IGF2BP3: variants seen among roughly 807,000 people sequenced by gnomAD.
IGF2BP3 encodes insulin-like growth factor 2 mRNA-binding protein 3.
Under a neutral mutation model 73.8 loss-of-function variants are expected in IGF2BP3, and 9 were observed. That is an observed-to-expected ratio of 0.12 (90% confidence interval 0.07 to 0.21). The LOEUF is 0.21. IGF2BP3 is among the 10% of genes least tolerant of loss of function. IGF2BP3 has a pLI of 1.00. For synonymous variants in IGF2BP3, 258 were observed against 256.7 expected (o/e 1.01, Z -0.05); for missense variants, 542 against 714.0 (o/e 0.76, Z 2.75).
chr7:23,452,597 T>G (rs575866069), intron 2 of IGF2BP3, among the ~76,000 whole-genome samples: 2 of 144,412 alleles, frequency 1.4e-5, no homozygotes, highest in East Asian at 4.2e-4. Flanking sequence ...AGGTCAGGAG[T>G]TCAAGACCAG....
intron 5 of IGF2BP3, among the ~76,000 whole-genome samples, chr7:23,359,449 AC>A (rs1369796746): frequency 2.0e-5 from 3 of 152,236 alleles, no homozygotes; most frequent in African/African-American, 7.2e-5. Flanking sequence ...TAAGGCCACA[AC>A]AACAGGTCTC....
chr7:23,329,465 G>A lies in IGF2BP3; in HGVS notation c.1204-10211C>T, dbSNP rs1038461907. Among the ~76,000 whole-genome samples the A allele has an allele frequency of 2.8e-4, 42 of 152,206 alleles. 1 individual carries two copies. The highest frequency in any genetic ancestry group is 6.7e-4 in the African/African-American group (28 of 41,534). ...TGTTTGAATACCTCTACTGCAACACGTTCTTAGAAGTAGAACTGCTGAGTC... is the reference window on the plus strand; with the variant it reads ...TGTTTGAATACCTCTACTGCAACACATTCTTAGAAGTAGAACTGCTGAGTC... On this transcript the variant is annotated intron_variant, in intron 10 of 14. Transcript: ENST00000258729.
chr7:23,439,549 C>T (rs573707520), intron 2 of IGF2BP3, among the ~76,000 whole-genome samples: 16 of 120,000 alleles, frequency 1.3e-4, no homozygotes, highest in East Asian at 1.1e-3. Flanking sequence ...AACGAGACTC[C>T]GTCTCAAAAA....
chr7:23,329,458 G>A (rs1256618798), intron 10 of IGF2BP3, among the ~76,000 whole-genome samples: 1 of 152,066 alleles, frequency 6.6e-6, no homozygotes, highest in East Asian at 1.9e-4. Flanking sequence ...TACCTCTACT[G>A]CAACACGTTC....
At chr7:23,419,745 C>G (rs1787291727) in intron 2 of IGF2BP3, among the ~76,000 whole-genome samples, 1 of 152,148 alleles carries the variant, frequency 6.6e-6, no homozygotes, top group Non-Finnish European at 1.5e-5. Context: ...CCCAGCTACT[C>G]CAGATGCTGA....
At chr7:23,384,154 C>T (rs1262255625) in intron 3 of IGF2BP3, among the ~76,000 whole-genome samples, 1 of 147,988 alleles carries the variant, frequency 6.8e-6, no homozygotes, top group African/African-American at 2.5e-5. Flanking sequence ...CATTGAAGAA[C>T]CTTGTAAACA....
intron 10 of IGF2BP3, among the ~76,000 whole-genome samples, chr7:23,335,156 GCA>G (rs976270721): frequency 4.0e-5 from 6 of 148,682 alleles, no homozygotes; most frequent in Admixed American, 2.7e-4. Context: ...TAATAAATGT[GCA>G]CAGTGAGTTA....
intron 2 of IGF2BP3, among the ~76,000 whole-genome samples, chr7:23,420,192 C>T (rs1030566393): frequency 6.6e-6 from 1 of 152,206 alleles, no homozygotes; most frequent in Non-Finnish European, 1.5e-5. Context: ...ACAATTAGAA[C>T]TATAGGACAG....
Position 23,469,353 on chromosome 7 carries a change from C to T in IGF2BP3, c.175+583G>A, listed in dbSNP as rs1168047985. ...CACCTGCCCCTATCGCTCGTCGGAC[C>T]AGGGGAGGTGGAACGGGGAAACCGG... On this transcript the variant is annotated intron_variant, in intron 1 of 14. Transcript: ENST00000258729. This position sits in a 1 kb window ranked among gnomAD's most constrained non-coding sequence, Gnocchi z 6.1. 6.6e-6 allele frequency: 1 copy of T among 152,172 alleles called. No individual in the cohort carries two copies. Among genetic ancestry groups the T allele is most frequent in the African/African-American group, 2.4e-5 (1 of 41,450 alleles). The allele number at this position is 152,172 out of a possible 1,614,324, so 9.4% of individuals were successfully genotyped here. A position where few individuals can be genotyped will look rare whatever the true frequency, so the allele number is the denominator to read the frequency against.
At chr7:23,355,751 G>C (rs1448740476) in intron 5 of IGF2BP3, among the ~76,000 whole-genome samples, 1 of 152,076 alleles carries the variant, frequency 6.6e-6, no homozygotes, top group Non-Finnish European at 1.5e-5. Flanking sequence ...TGGACAATAT[G>C]ACAAAACTCT....
At chr7:23,338,022 A>ATT (rs11436871) in intron 10 of IGF2BP3, among the ~76,000 whole-genome samples, 1 of 151,268 alleles carries the variant, frequency 6.6e-6, no homozygotes, top group African/African-American at 2.4e-5. Flanking sequence ...AATTTAAGCC[A>ATT]TTTTTTTTTC....
At chr7:23,466,813 G>A (rs1288788664) in intron 2 of IGF2BP3, among the ~76,000 whole-genome samples, 1 of 152,174 alleles carries the variant, frequency 6.6e-6, no homozygotes. Flanking sequence ...CATGTAGCTC[G>A]ATGAATTGTA....
chr7:23,396,508 T>G (rs1465716946), intron 3 of IGF2BP3: 1 of 171,594 alleles, frequency 5.8e-6, no homozygotes, highest in African/African-American at 2.4e-5. Flanking sequence ...TAAACCTAGT[T>G]TTCTGAAGAA....
intron 2 of IGF2BP3, among the ~76,000 whole-genome samples, chr7:23,431,662 C>T (rs1787681534): frequency 6.6e-6 from 1 of 152,054 alleles, no homozygotes; most frequent in African/African-American, 2.4e-5. Context: ...TTACAAGGTC[C>T]CCTACACCGT....
intron 3 of IGF2BP3, among the ~76,000 whole-genome samples, chr7:23,371,154 A>AACACACACAC (rs60859365): frequency 3.4e-5 from 5 of 148,744 alleles, no homozygotes; most frequent in Admixed American, 6.7e-5. Flanking sequence ...ACACCTTGCC[A>AACACACACAC]ACACACACAC....
At chr7:23,325,868 T>C (rs1219403423) in intron 10 of IGF2BP3, among the ~76,000 whole-genome samples, 1 of 152,204 alleles carries the variant, frequency 6.6e-6, no homozygotes, top group Non-Finnish European at 1.5e-5. Flanking sequence ...GAAAACTGGC[T>C]AGCCATATGT....
At chr7:23,383,994 G>A (rs930568633) in intron 3 of IGF2BP3, among the ~76,000 whole-genome samples, 3 of 151,236 alleles carry the variant, frequency 2.0e-5, no homozygotes, top group Non-Finnish European at 4.4e-5. Context: ...TACTCGGGAG[G>A]CTGAGGCAGG....
intron 3 of IGF2BP3, among the ~76,000 whole-genome samples, chr7:23,418,515 T>C (rs1480938009): frequency 6.6e-6 from 1 of 152,184 alleles, no homozygotes; most frequent in African/African-American, 2.4e-5. Flanking sequence ...CAAAATCCTG[T>C]TGGGAAGTGA....
intron 2 of IGF2BP3, among the ~76,000 whole-genome samples, chr7:23,456,109 A>C (rs1365590724): frequency 2.0e-5 from 3 of 152,212 alleles, no homozygotes; most frequent in Non-Finnish European, 4.4e-5. Flanking sequence ...GAAACTCAAA[A>C]AAATGCAAAA....
Sources: gnomAD v4.1 joint callset for allele counts (sites outside exome capture counted in the v4.1 genomes callset) on GRCh38, gnomAD v4.1.1 for gene constraint, Gnocchi (gnomAD v3.1) non-coding constraint, MANE v1.5 for transcripts, NCBI Gene and HGNC (gene_info 2026-07-23, HGNC 2026-07-21) for gene names.